FAM219A: variants seen among roughly 807,000 people sequenced by gnomAD.
FAM219A encodes protein FAM219A.
Under a neutral mutation model 23.4 loss-of-function variants are expected in FAM219A, and 7 were observed. The ratio of observed to expected loss-of-function variants is 0.30; its 90% CI spans 0.17 to 0.56. The LOEUF (loss-of-function observed/expected upper bound fraction) is 0.56, where lower values mean the gene tolerates loss of function less well. Among genes scored for constraint, FAM219A ranks in the 20% least tolerant of loss-of-function variants. FAM219A has a pLI of 0.92. For missense variants in FAM219A, 166 were observed against 246.9 expected (o/e 0.67, Z 2.20); for synonymous variants, 93 against 99.0 (o/e 0.94, Z 0.36).
intron 1 of FAM219A, among the ~76,000 whole-genome samples, chr9:34,414,724 G>T (rs142294710): frequency 6.6e-6 from 1 of 152,156 alleles, no homozygotes; most frequent in African/African-American, 2.4e-5. Flanking sequence ...AGTTTGTGAA[G>T]CCTACATTTA....
At position 34,402,701 on chromosome 9, in the gene FAM219A, C is replaced by G. The variant is rs930579447; in HGVS notation, c.263+4G>C. ...GGTCCAGGTGGGGTAGGGAGGGCCT[C>G]TACCTTGTTCGGGCCATGACATTGT... On this transcript the variant is annotated splice_donor_region_variant and intron_variant, in intron 3 of 5. Coordinates refer to ENST00000651358, the MANE Select transcript of FAM219A (RefSeq NM_001184940.2). 1 of 1,613,906 alleles carries G rather than the reference C, an allele frequency of 6.2e-7. No individual in the cohort carries two copies. Among genetic ancestry groups the G allele is most frequent in the African/African-American group, 1.3e-5 (1 of 74,934 alleles).
intron 1 of FAM219A, among the ~76,000 whole-genome samples, chr9:34,421,033 A>AGAGAGAGAGG (rs1392639086): frequency 6.7e-6 from 1 of 149,452 alleles, no homozygotes; most frequent in Non-Finnish European, 1.5e-5. Context: ...AGAGAGAGAG[A>AGAGAGAGAGG]GAGAGAGAGA....
chr9:34,400,582 T>G lies in FAM219A; in HGVS notation c.*382A>C. On this transcript the variant is annotated 3_prime_UTR_variant, in exon 6 of 6. Coordinates refer to ENST00000651358, the MANE Select transcript of FAM219A (RefSeq NM_001184940.2). ...GGCCGGGGCTTGGGAGTTCATGGCT[T>G]CGCTGGGGTGGGGCCAAGCCCCTGG... is the stretch of plus-strand genomic sequence containing the variant. The G allele has an allele frequency of 5.7e-6, 1 of 174,252 alleles. No individual in the cohort carries two copies. 10.8% of individuals were successfully genotyped at this position (174,252 alleles called of 1,614,324 possible). A position where few individuals can be genotyped will look rare whatever the true frequency, so the allele number is the denominator to read the frequency against.
intron 1 of FAM219A, among the ~76,000 whole-genome samples, chr9:34,437,230 C>T (rs149481088): frequency 7.9e-5 from 12 of 152,346 alleles, no homozygotes; most frequent in African/African-American, 2.9e-4. Context: ...GTCATGCTTA[C>T]TCTCCAGGAC....
chr9:34,426,557 A>G (rs1822484329), intron 1 of FAM219A, among the ~76,000 whole-genome samples: 1 of 152,232 alleles, frequency 6.6e-6, no homozygotes, highest in African/African-American at 2.4e-5. Flanking sequence ...GAGCATGCAG[A>G]TAGGAACAGG....
At chr9:34,445,114 C>T (rs187894197) in intron 1 of FAM219A, among the ~76,000 whole-genome samples, 4 of 152,324 alleles carry the variant, frequency 2.6e-5, no homozygotes, top group Non-Finnish European at 4.4e-5. Flanking sequence ...TTCTCACCTA[C>T]TCATCCCCCT....
Position 34,398,402 on chromosome 9 carries a change from A to G in FAM219A, c.*2562T>C. Reference sequence around the variant, plus strand: ...GTGTTAAGGCAGTATCTACAAGGGGAAGGGTGGCAGGAGGGCAAGCTAAGG... The same window carrying G: ...GTGTTAAGGCAGTATCTACAAGGGGGAGGGTGGCAGGAGGGCAAGCTAAGG... On this transcript the variant is annotated 3_prime_UTR_variant, in exon 6 of 6. Transcript: ENST00000651358. 1 of 1,548,436 alleles carries G rather than the reference A, an allele frequency of 6.5e-7. No individual in the cohort carries two copies. Among genetic ancestry groups the G allele is most frequent in the Admixed American group, 2.0e-5 (1 of 50,986 alleles).
intron 1 of FAM219A, among the ~76,000 whole-genome samples, chr9:34,433,927 G>C (rs1326764290): frequency 1.3e-5 from 2 of 151,920 alleles, no homozygotes; most frequent in African/African-American, 4.8e-5. Flanking sequence ...CCTCGGCCGG[G>C]CGCGGTGGCT....
At chr9:34,408,823 A>G (rs1821732332) in intron 1 of FAM219A, among the ~76,000 whole-genome samples, 4 of 152,132 alleles carry the variant, frequency 2.6e-5, no homozygotes, top group Non-Finnish European at 5.9e-5. Context: ...AGGCCTCACC[A>G]TCCTTTCCCT....
Position 34,400,881 on chromosome 9 carries a change from G to A in FAM219A, c.*83C>T. ...AGGGGCGCGGGGCCGGGGGCAGGCA[G>A]ACGAGCTGGGAAGGGGTCGGCCTCT... On this transcript the variant is annotated 3_prime_UTR_variant, in exon 6 of 6. Coordinates refer to ENST00000651358, the MANE Select transcript of FAM219A (RefSeq NM_001184940.2). The A allele has an allele frequency of 7.2e-7, 1 of 1,387,416 alleles. No homozygotes were observed. Among genetic ancestry groups the A allele is most frequent in the Non-Finnish European group, 9.4e-7 (1 of 1,058,778 alleles). 85.9% of individuals were successfully genotyped at this position (1,387,416 alleles called of 1,614,324 possible). A position where few individuals can be genotyped will look rare whatever the true frequency, so the allele number is the denominator to read the frequency against.
intron 1 of FAM219A, among the ~76,000 whole-genome samples, chr9:34,449,342 T>C (rs978527762): frequency 6.6e-6 from 1 of 152,138 alleles, no homozygotes. Flanking sequence ...GTATACAATA[T>C]ATAAATTATA....
chr9:34,424,356 G>T (rs186015584), intron 1 of FAM219A, among the ~76,000 whole-genome samples: 3 of 152,132 alleles, frequency 2.0e-5, no homozygotes, highest in Admixed American at 6.5e-5. Context: ...TGTGAGGCTT[G>T]CAAGTCCTCA....
At position 34,417,588 on chromosome 9, in the gene FAM219A, A is replaced by G. The variant is rs1022175486; in HGVS notation, c.61-11624T>C. Among the ~76,000 whole-genome samples the G allele has an allele frequency of 6.6e-6, 1 of 152,238 alleles. No homozygotes were observed. Among genetic ancestry groups the G allele is most frequent in the African/African-American group, 2.4e-5 (1 of 41,460 alleles). ...CATGAGTGCTTTTAAGTTTCTTGATAGATATTGCCAAAATGCTTTCCCAAA... is the reference window on the plus strand; with the variant it reads ...CATGAGTGCTTTTAAGTTTCTTGATGGATATTGCCAAAATGCTTTCCCAAA... On this transcript the variant is annotated intron_variant, in intron 1 of 5. Coordinates refer to ENST00000651358, the MANE Select transcript of FAM219A (RefSeq NM_001184940.2). This position sits in a 1 kb window ranked among gnomAD's most constrained non-coding sequence, Gnocchi z 4.1.
At chr9:34,424,651 C>G (rs543961174) in intron 1 of FAM219A, among the ~76,000 whole-genome samples, 1 of 152,148 alleles carries the variant, frequency 6.6e-6, no homozygotes, top group South Asian at 2.1e-4. Context: ...AAAGCCAACA[C>G]GGACCTACCA....
intron 1 of FAM219A, among the ~76,000 whole-genome samples, chr9:34,443,452 C>T (rs991956007): frequency 4.6e-5 from 7 of 152,190 alleles, no homozygotes; most frequent in African/African-American, 1.7e-4. Context: ...AGACTCTTCT[C>T]ATTTGGTGAT....
At chr9:34,420,779 C>T (rs566780989) in intron 1 of FAM219A, among the ~76,000 whole-genome samples, 28 of 151,628 alleles carry the variant, frequency 1.8e-4, no homozygotes, top group Admixed American at 9.9e-4. Flanking sequence ...GAGTTCAAGA[C>T]GAGTCTGGGC....
intron 1 of FAM219A, among the ~76,000 whole-genome samples, chr9:34,439,952 G>C (rs561061948): frequency 2.6e-4 from 40 of 152,292 alleles, no homozygotes; most frequent in African/African-American, 9.1e-4. Context: ...AAAAGGGATA[G>C]GGCTTCACAC....
In FAM219A at chr9:34,457,735, G is replaced by C. The variant is rs1823802829; in HGVS notation, c.60+469C>G. ...CAGCGTTCCTGTCCGTATATCCAGCGGACAGGCGGGCAAGCCCCTCCTCTT... is the reference window on the plus strand; with the variant it reads ...CAGCGTTCCTGTCCGTATATCCAGCCGACAGGCGGGCAAGCCCCTCCTCTT... On this transcript the variant is annotated intron_variant, in intron 1 of 5. Coordinates refer to ENST00000651358, the MANE Select transcript of FAM219A (RefSeq NM_001184940.2). This position sits in a 1 kb window ranked among gnomAD's most constrained non-coding sequence, Gnocchi z 5.1. Among the ~76,000 whole-genome samples, 2 of 152,112 alleles carry C rather than the reference G, an allele frequency of 1.3e-5. No homozygotes were observed. Among genetic ancestry groups the C allele is most frequent in the South Asian group, 2.1e-4 (1 of 4,826 alleles).
At chr9:34,403,451 A>G (rs1821523694) in intron 2 of FAM219A, among the ~76,000 whole-genome samples, 1 of 152,212 alleles carries the variant, frequency 6.6e-6, no homozygotes, top group East Asian at 1.9e-4. Context: ...AAGCCACTGA[A>G]GGTTATGGTG....
Sources: gnomAD v4.1 joint callset for allele counts (sites outside exome capture counted in the v4.1 genomes callset) on GRCh38, gnomAD v4.1.1 for gene constraint, Gnocchi (gnomAD v3.1) non-coding constraint, MANE v1.5 for transcripts, NCBI Gene and HGNC (gene_info 2026-07-23, HGNC 2026-07-21) for gene names.